GNG12: variants seen among roughly 807,000 people sequenced by gnomAD.
The protein encoded by GNG12 is guanine nucleotide-binding protein G(I)/G(S)/G(O) subunit gamma-12.
For synonymous variants in GNG12, 28 were observed against 29.7 expected, an observed-to-expected ratio of 0.94 and a Z score of 0.19; for missense variants, 69 against 83.8, an observed-to-expected ratio of 0.82 and a Z score of 0.69.
At chr1:67,814,254 G>A (rs1490215198) in intron 1 of GNG12, among the ~76,000 whole-genome samples, 2 of 152,196 alleles carry the variant, frequency 1.3e-5, no homozygotes, top group African/African-American at 4.8e-5. Flanking sequence ...TACACTGCCA[G>A]CCATGAGCCC....
At chr1:67,808,455 C>A (rs1196275436) in intron 1 of GNG12, among the ~76,000 whole-genome samples, 1 of 151,468 alleles carries the variant, frequency 6.6e-6, no homozygotes, top group Non-Finnish European at 1.5e-5. Flanking sequence ...CCAGGTAATG[C>A]AATAGTAAAT....
chr1:67,810,291 T>C (rs1021951991), intron 1 of GNG12, among the ~76,000 whole-genome samples: 2 of 152,196 alleles, frequency 1.3e-5, no homozygotes, highest in Non-Finnish European at 2.9e-5. Flanking sequence ...ACAGGACTTT[T>C]AGGACAGCGA....
intron 2 of GNG12, among the ~76,000 whole-genome samples, chr1:67,709,286 A>G (rs941595615): frequency 1.3e-5 from 2 of 152,158 alleles, no homozygotes. Flanking sequence ...CATACTGCAC[A>G]GTGAATTGCA....
At chr1:67,721,870 C>A (rs1007101188) in intron 2 of GNG12, among the ~76,000 whole-genome samples, 2 of 152,094 alleles carry the variant, frequency 1.3e-5, no homozygotes, top group African/African-American at 2.4e-5. Flanking sequence ...AGCATTCCTG[C>A]TCTCTGCTCC....
At chr1:67,717,164 G>A (rs1011797300) in intron 2 of GNG12, among the ~76,000 whole-genome samples, 3 of 152,006 alleles carry the variant, frequency 2.0e-5, no homozygotes, top group East Asian at 1.9e-4. Context: ...CAGAGTCTCC[G>A]CCTCTTGATC....
At chr1:67,791,179 A>AC (rs35754556) in intron 1 of GNG12, among the ~76,000 whole-genome samples, 110,730 of 151,966 alleles carry the variant, frequency 0.73, 40,482 homozygotes, top group Middle Eastern at 0.8. Flanking sequence ...AATTGTGGAT[A>AC]TGATGATGTA....
At chr1:67,811,617 CTT>C (rs943075783) in intron 1 of GNG12, among the ~76,000 whole-genome samples, 10 of 152,280 alleles carry the variant, frequency 6.6e-5, no homozygotes, top group African/African-American at 1.9e-4. Flanking sequence ...TGCAACATCT[CTT>C]TGTTACATCT....
At chr1:67,803,405 T>C (rs1450002018) in intron 1 of GNG12, among the ~76,000 whole-genome samples, 3 of 152,194 alleles carry the variant, frequency 2.0e-5, no homozygotes, top group Admixed American at 6.5e-5. Context: ...TCTCCTTATA[T>C]GGTGACAATG....
intron 1 of GNG12, among the ~76,000 whole-genome samples, chr1:67,813,327 G>A (rs17130310): frequency 0.093 from 14,220 of 152,176 alleles, 810 homozygotes; most frequent in Non-Finnish European, 0.099. Context: ...AGCCCCTCTC[G>A]TAAGAACCTA....
intron 1 of GNG12, among the ~76,000 whole-genome samples, chr1:67,779,502 G>A (rs1405451065): frequency 1.4e-5 from 2 of 141,924 alleles, no homozygotes; most frequent in Non-Finnish European, 3.0e-5. Context: ...GCGCCTCACT[G>A]ACAGGTCCCA....
At chr1:67,711,288 C>A (rs1646294114) in intron 2 of GNG12, among the ~76,000 whole-genome samples, 1 of 152,098 alleles carries the variant, frequency 6.6e-6, no homozygotes, top group African/African-American at 2.4e-5. Flanking sequence ...GGCTGGGCTA[C>A]AAATTAACCT....
At chr1:67,740,514 A>G (rs1391114856) in intron 2 of GNG12, among the ~76,000 whole-genome samples, 1 of 152,250 alleles carries the variant, frequency 6.6e-6, no homozygotes, top group East Asian at 1.9e-4. Context: ...AGCCTAAACT[A>G]TTTACTATTT....
chr1:67,770,356 T>A (rs967042482), intron 2 of GNG12, among the ~76,000 whole-genome samples: 1 of 152,112 alleles, frequency 6.6e-6, no homozygotes, highest in Non-Finnish European at 1.5e-5. Context: ...GTGAGTTTGA[T>A]ATGCATCTCC....
intron 2 of GNG12, among the ~76,000 whole-genome samples, chr1:67,729,919 T>G (rs2100698122): frequency 6.6e-6 from 1 of 152,300 alleles, no homozygotes; most frequent in Admixed American, 6.5e-5. Flanking sequence ...AATCAACAAC[T>G]GGTTGGTGGG....
chr1:67,786,363 A>G (rs1335293740), intron 1 of GNG12, among the ~76,000 whole-genome samples: 2 of 152,110 alleles, frequency 1.3e-5, no homozygotes, highest in South Asian at 4.1e-4. Context: ...TGTGGGACAA[A>G]TTAAGACCTA....
intron 1 of GNG12, among the ~76,000 whole-genome samples, chr1:67,781,092 C>T (rs1188952113): frequency 1.3e-5 from 2 of 152,200 alleles, no homozygotes; most frequent in Non-Finnish European, 2.9e-5. Flanking sequence ...AGATCTAGAA[C>T]ATATACAGAT....
At chr1:67,728,419 C>G (rs751212475) in intron 2 of GNG12, among the ~76,000 whole-genome samples, 11 of 152,212 alleles carry the variant, frequency 7.2e-5, no homozygotes, top group Non-Finnish European at 1.6e-4. Flanking sequence ...TCGTCCCCAA[C>G]AAAGGAGAAC....
intron 2 of GNG12, among the ~76,000 whole-genome samples, chr1:67,734,440 C>T (rs141890286): frequency 6.6e-6 from 1 of 152,312 alleles, no homozygotes; most frequent in East Asian, 1.9e-4. Flanking sequence ...GTTCCAGGTC[C>T]TTTAGACGCA....
At chr1:67,729,327 G>A (rs1646405694) in intron 2 of GNG12, among the ~76,000 whole-genome samples, 2 of 151,960 alleles carry the variant, frequency 1.3e-5, no homozygotes, top group African/African-American at 2.4e-5. Context: ...GCCAGGTCCT[G>A]GAACTGAAAA....
Sources: allele counts gnomAD v4.1 joint callset (sites outside exome capture counted in the v4.1 genomes callset), GRCh38; gene constraint gnomAD v4.1.1; transcripts MANE v1.5; gene names NCBI Gene and HGNC (gene_info 2026-07-23, HGNC 2026-07-21).